The following BSN variants were observed in gnomAD, a reference collection of about 807,000 sequenced individuals.
The protein encoded by BSN is bassoon presynaptic cytomatrix protein.
A neutral mutation model predicts 264.8 loss-of-function variants in BSN; 57 were observed. The observed-to-expected ratio is 0.22, with a 90% CI of 0.17 to 0.27. The LOEUF is 0.27. Among genes scored for constraint, BSN ranks in the 10% least tolerant of loss-of-function variants. The pLI is 1.00. For synonymous variants in BSN, 2,059 were observed against 2,137.3 expected, an observed-to-expected ratio of 0.96 and a Z score of 1.01; for missense variants, 4,615 against 5,232.5, an observed-to-expected ratio of 0.88 and a Z score of 3.64.
intron 2 of BSN, among the ~76,000 whole-genome samples, chr3:49,634,286 A>G (rs1222614797): frequency 1.3e-5 from 2 of 152,170 alleles, no homozygotes; most frequent in Non-Finnish European, 2.9e-5. Flanking sequence ...AGATGGAAAG[A>G]ATTACGAAGA....
At chr3:49,562,526 G>T (rs2051722305) in intron 1 of BSN, among the ~76,000 whole-genome samples, 2 of 152,190 alleles carry the variant, frequency 1.3e-5, no homozygotes. Context: ...ATTATTTCAT[G>T]TTCTAAAATA....
intron 1 of BSN, among the ~76,000 whole-genome samples, chr3:49,594,051 C>T (rs1342403829): frequency 8.6e-5 from 13 of 152,026 alleles, no homozygotes. Flanking sequence ...ATTGGCCTCC[C>T]AAAGTGCTGG....
At chr3:49,561,179 G>T (rs891434442) in intron 1 of BSN, among the ~76,000 whole-genome samples, 1 of 152,238 alleles carries the variant, frequency 6.6e-6, no homozygotes, top group African/African-American at 2.4e-5. Flanking sequence ...GCCTGGAGAG[G>T]CCTGGTTGCC....
chr3:49,616,083 T>C (rs2052257625), intron 1 of BSN, among the ~76,000 whole-genome samples: 1 of 152,240 alleles, frequency 6.6e-6, no homozygotes, highest in Non-Finnish European at 1.5e-5. Context: ...TGAATATTCA[T>C]ATGTTGGAGA....
chr3:49,558,107 A>G (rs1258711929), intron 1 of BSN, among the ~76,000 whole-genome samples: 1 of 152,210 alleles, frequency 6.6e-6, no homozygotes, highest in Non-Finnish European at 1.5e-5. Flanking sequence ...AATGTCAAAT[A>G]AGCAGTGCTT....
rs1338822732 is a variant in BSN, at chr3:49,605,294, T to A, written c.225-19681T>A. Among the ~76,000 whole-genome samples, 3 of 100,670 alleles carry A rather than the reference T, an allele frequency of 3.0e-5. No individual in the cohort carries two copies. The East Asian group carries it at 7.2e-4, about 24-fold the overall frequency. 66.0% of individuals were successfully genotyped at this position (100,670 alleles called of 152,430 possible). On this transcript the variant is annotated intron_variant, in intron 1 of 11. Transcript: ENST00000296452. ...ATATACATATATATACATATATATT[T>A]TATATATTATATATTATATTATATA...
At chr3:49,650,548 ATAT>A in intron 3 of BSN, 61 bp from the exon 4 acceptor site, 1 of 1,404,478 alleles carries the variant, frequency 7.1e-7, no homozygotes, top group Non-Finnish European at 9.8e-7. Context: ...AGTTATGGAA[ATAT>A]TATTTGAGGA....
chr3:49,657,323 T>C lies in BSN; in HGVS notation c.7767T>C (p.Asp2589=), dbSNP rs763944005. 5 of 1,613,296 alleles carry C rather than the reference T, an allele frequency of 3.1e-6. No homozygotes were observed. Among genetic ancestry groups the C allele is most frequent in the East Asian group, 4.5e-5 (2 of 44,884 alleles). Residue 2589 remains aspartate, a synonymous_variant, in exon 5 of 12, where the codon GAT becomes GAC. Coordinates refer to ENST00000296452, the MANE Select transcript of BSN (RefSeq NM_003458.4). The part of the protein sequence containing the change: ...RIADSSVQTD[D]EDGESRYLLS... ...CCGACAGCAGCGTGCAGACAGACGA[T>C]GAGGATGGGGAGAGCCGCTACCTCT...
rs2052335858 is a variant in BSN at position 49,625,553 on chromosome 3, A to G, written c.633+170A>G. On this transcript the variant is annotated intron_variant, in intron 2 of 11. Coordinates refer to ENST00000296452, the MANE Select transcript of BSN (RefSeq NM_003458.4). The surrounding 1 kb of genome is among the most constrained non-coding windows in gnomAD (Gnocchi z 4.4). ...CTGGTTCCAGGATGTGGCAGCAAAG[A>G]ACAGGGCCTGGCCCCAGATCTCCCA... is the stretch of plus-strand genomic sequence containing the variant. Among the ~76,000 whole-genome samples, 1 of 152,202 alleles carries G rather than the reference A, an allele frequency of 6.6e-6. No homozygotes were observed. Among genetic ancestry groups the G allele is most frequent in the African/African-American group, 2.4e-5 (1 of 41,454 alleles).
chr3:49,656,258 A>G lies in BSN; in HGVS notation c.6702A>G (p.Thr2234=), dbSNP rs2052598499. The change falls in exon 5 of 12, where the codon ACA becomes ACG. Residue 2234 remains threonine (T), a synonymous_variant. Transcript: ENST00000296452. ...MYRPYASGGI[T]AVPLTSLTRV... is the part of the protein sequence containing the mutation. ...GGCCTTACGCATCTGGTGGAATCAC[A>G]GCCGTGCCACTCACCAGTCTGACAC... 2 of 1,612,468 alleles carry G rather than the reference A, an allele frequency of 1.2e-6. No individual in the cohort carries two copies. Among genetic ancestry groups the G allele is most frequent in the Non-Finnish European group, 1.7e-6 (2 of 1,179,488 alleles).
chr3:49,554,820 C>T lies in BSN; in HGVS notation c.218C>T (p.Pro73Leu), dbSNP rs1452567588. The change falls in exon 1 of 12, where the codon CCG becomes CTG. Residue 73 changes from proline (P) to leucine (L), a missense_variant. Pro to Leu is a moderately conservative substitution (Grantham distance 98). Transcript: ENST00000296452. ...PGPGPGPGPG[P>L]GSTSRRLDPK... ...CCCGGCCCCGGTCCCGGCCCTGGCCCGGGCAGGTAAGCGCGTGTCTCGGCG... is the reference window on the plus strand; with the variant it reads ...CCCGGCCCCGGTCCCGGCCCTGGCCTGGGCAGGTAAGCGCGTGTCTCGGCG... 1 of 1,222,170 alleles carries T rather than the reference C, an allele frequency of 8.2e-7. No homozygotes were observed. The highest frequency in any genetic ancestry group is 1.0e-6 in the Non-Finnish European group (1 of 981,680). The allele number at this position is 1,222,170 out of a possible 1,614,324, so 75.7% of individuals were successfully genotyped here.
chr3:49,653,648 C>T lies in BSN; in HGVS notation c.4092C>T (p.Ser1364=). Residue 1364 remains serine (S), a synonymous_variant, in exon 5 of 12, where the codon AGC becomes AGT. Coordinates refer to ENST00000296452, the MANE Select transcript of BSN (RefSeq NM_003458.4). This position sits in a 1 kb window ranked among gnomAD's most constrained non-coding sequence, Gnocchi z 6.3. ...LKLHSSPASP[S]SASKEIGMPF... ...TGCACAGCTCTCCTGCCTCCCCCAG[C>T]TCAGCCTCCAAGGAGATAGGCATGC... is the stretch of plus-strand genomic sequence containing the variant. 1 of 1,613,864 alleles carries T rather than the reference C, an allele frequency of 6.2e-7. No individual in the cohort carries two copies. Among genetic ancestry groups the T allele is most frequent in the Non-Finnish European group, 8.5e-7 (1 of 1,179,980 alleles).
intron 1 of BSN, among the ~76,000 whole-genome samples, chr3:49,594,000 C>T (rs2052001695): frequency 6.6e-6 from 1 of 152,014 alleles, no homozygotes; most frequent in Admixed American, 6.5e-5. Flanking sequence ...GACAGGGTTT[C>T]ACCGTGTTAG....
intron 1 of BSN, among the ~76,000 whole-genome samples, chr3:49,564,295 T>C (rs915624823): frequency 1.3e-5 from 2 of 152,182 alleles, no homozygotes; most frequent in Admixed American, 6.5e-5. Context: ...CCCACACTTA[T>C]CCAGCCTCAT....
chr3:49,633,067 G>T (rs2052393349), intron 2 of BSN, among the ~76,000 whole-genome samples: 1 of 152,140 alleles, frequency 6.6e-6, no homozygotes, highest in African/African-American at 2.4e-5. Flanking sequence ...AGCACTTTGG[G>T]AGGCTGAGGC....
chr3:49,590,588 A>G (rs896371021), intron 1 of BSN, among the ~76,000 whole-genome samples: 3 of 152,190 alleles, frequency 2.0e-5, no homozygotes, highest in Non-Finnish European at 4.4e-5. Context: ...ATTTATCACA[A>G]TCTACTTCAA....
intron 1 of BSN, among the ~76,000 whole-genome samples, chr3:49,574,660 G>C (rs2108010303): frequency 9.2e-6 from 1 of 108,688 alleles, no homozygotes; most frequent in East Asian, 3.2e-4. Flanking sequence ...TTTTGAGACA[G>C]AGTCTCACTC....
intron 1 of BSN, among the ~76,000 whole-genome samples, chr3:49,595,051 C>T (rs1219950686): frequency 5.9e-5 from 9 of 151,778 alleles, no homozygotes; most frequent in Non-Finnish European, 1.0e-4. Flanking sequence ...CCATCATGCC[C>T]GGCTAATTTT....
Position 49,655,337 on chromosome 3 carries a change from C to A in BSN, c.5781C>A (p.Ser1927Arg). 6.2e-7 allele frequency: 1 copy of A among 1,604,922 alleles called. No individual in the cohort carries two copies. Among genetic ancestry groups the A allele is most frequent in the African/African-American group, 1.3e-5 (1 of 74,988 alleles). ...CGGCCCCCAGTGTGCCTGAGAAGAG[C>A]ATGGCAGATGCTGCCCCACCTGGCC... The part of the protein sequence containing the change: ...FHPAPSVPEK[S>R]MADAAPPGQS... The change falls in exon 5 of 12, where the codon AGC (serine) becomes AGA (arginine). Residue 1927 changes from serine to arginine, a missense_variant. Physicochemically the swap from Ser to Arg is moderately radical, Grantham distance 110. Coordinates refer to ENST00000296452, the MANE Select transcript of BSN (RefSeq NM_003458.4).
Sources: gnomAD v4.1 joint callset for allele counts (sites outside exome capture counted in the v4.1 genomes callset) on GRCh38, gnomAD v4.1.1 for gene constraint, Gnocchi (gnomAD v3.1) non-coding constraint, MANE v1.5 for transcripts, NCBI Gene and HGNC (gene_info 2026-07-23, HGNC 2026-07-21) for gene names.